CAMK2A: variants seen among roughly 807,000 people sequenced by gnomAD.
The protein encoded by CAMK2A is calcium/calmodulin dependent protein kinase II alpha, also known as calcium/calmodulin-dependent protein kinase type II subunit alpha.
Under a neutral mutation model 79.2 loss-of-function variants are expected in CAMK2A, and 7 were observed. That is an observed-to-expected ratio of 0.09 (90% CI 0.05 to 0.17). The LOEUF (loss-of-function observed/expected upper bound fraction) is 0.17. CAMK2A is among the 10% of genes least tolerant of loss of function. The pLI is 1.00. For missense variants in CAMK2A, 214 were observed against 646.4 expected (o/e 0.33, Z 7.25); for synonymous variants, 242 against 251.7 (o/e 0.96, Z 0.36).
intron 3 of CAMK2A, among the ~76,000 whole-genome samples, chr5:150,263,166 C>G (rs1274500710): frequency 6.6e-6 from 1 of 152,096 alleles, no homozygotes; most frequent in East Asian, 1.9e-4. Context: ...GCTACATGTC[C>G]AGGGTCACAC....
chr5:150,258,067 A>G (rs543301781), intron 3 of CAMK2A, among the ~76,000 whole-genome samples: 1 of 152,252 alleles, frequency 6.6e-6, no homozygotes, highest in Non-Finnish European at 1.5e-5. Context: ...TCCAGGAGGC[A>G]TGCAGTTGGT....
intron 9 of CAMK2A, among the ~76,000 whole-genome samples, chr5:150,251,287 G>T (rs1755821981): frequency 6.6e-6 from 1 of 152,214 alleles, no homozygotes; most frequent in South Asian, 2.1e-4. Context: ...GAGCCAGACT[G>T]CCTGGTTCAA....
intron 3 of CAMK2A, among the ~76,000 whole-genome samples, chr5:150,260,179 G>A (rs889040817): frequency 2.0e-5 from 3 of 151,940 alleles, no homozygotes; most frequent in Non-Finnish European, 4.4e-5. Flanking sequence ...TGTATTGGCC[G>A]GGCACAGTGG....
intron 1 of CAMK2A, among the ~76,000 whole-genome samples, chr5:150,289,231 T>G (rs938430795): frequency 7.2e-5 from 11 of 152,212 alleles, no homozygotes; most frequent in Non-Finnish European, 1.5e-4. Context: ...GAAAATCCCT[T>G]TTTAACCCTA....
chr5:150,225,468 G>A (rs769943534), intron 17 of CAMK2A, among the ~76,000 whole-genome samples: 6 of 152,196 alleles, frequency 3.9e-5, no homozygotes, highest in Non-Finnish European at 7.3e-5. Context: ...GAGTCTGGGG[G>A]CCAGCACTAA....
intron 1 of CAMK2A, among the ~76,000 whole-genome samples, chr5:150,278,517 G>A (rs981190132): frequency 5.3e-5 from 8 of 152,294 alleles, no homozygotes; most frequent in African/African-American, 1.9e-4. Flanking sequence ...CAGATGGGTG[G>A]GTGGGCCAGA....
chr5:150,250,710 G>A lies in CAMK2A; in HGVS notation c.794C>T (p.Ala265Val). The A allele has an allele frequency of 1.2e-6, 2 of 1,614,134 alleles. No homozygotes were observed. Among genetic ancestry groups the A allele is most frequent in the Non-Finnish European group, 1.7e-6 (2 of 1,180,000 alleles). ...CACCGAGATCCAGGGGTGCTTAAGGGCTTCGGCAGCTGTGATGCGTTTGGA... is the reference window on the plus strand; with the variant it reads ...CACCGAGATCCAGGGGTGCTTAAGGACTTCGGCAGCTGTGATGCGTTTGGA... ...NPSKRITAAE[A>V]LKHPWISHRS... The change falls in exon 10 of 19, where the codon GCC (alanine) becomes GTC (valine). Residue 265 changes from alanine to valine, a missense_variant. Around this residue, in one of 4 missense-constraint regions of CAMK2A, gnomAD observed 18 missense variants for 34.9 expected, o/e 0.52. Coordinates refer to ENST00000671881, the MANE Select transcript of CAMK2A (RefSeq NM_015981.4).
At chr5:150,265,315 T>C in intron 2 of CAMK2A, 1 of 340,640 alleles carries the variant, frequency 2.9e-6, no homozygotes, top group Non-Finnish European at 5.6e-6. Flanking sequence ...TCAGGCCCTA[T>C]ACTCTAGCCA....
chr5:150,271,521 G>A (rs142516456), intron 2 of CAMK2A, among the ~76,000 whole-genome samples: 1 of 152,260 alleles, frequency 6.6e-6, no homozygotes, highest in East Asian at 1.9e-4. Context: ...TGCACCTGCT[G>A]GGCCCTGGCC....
intron 11 of CAMK2A, among the ~76,000 whole-genome samples, chr5:150,249,914 C>G (rs1755754583): frequency 6.6e-6 from 1 of 152,160 alleles, no homozygotes; most frequent in Admixed American, 6.5e-5. Context: ...AGCTTAAACG[C>G]CCCTGGCTCC....
intron 1 of CAMK2A, among the ~76,000 whole-genome samples, chr5:150,277,763 A>G (rs1580952809): frequency 6.6e-6 from 1 of 152,332 alleles, no homozygotes; most frequent in Non-Finnish European, 1.5e-5. Flanking sequence ...TCCAGAGGGT[A>G]CCAGCCCCTC....
intron 2 of CAMK2A, chr5:150,265,310 C>T (rs1756467270): frequency 2.6e-6 from 1 of 387,914 alleles, no homozygotes; most frequent in Non-Finnish European, 4.9e-6. Context: ...GTTCCTCAGG[C>T]CCTATACTCT....
chr5:150,254,572 A>G (rs897268857), intron 6 of CAMK2A, among the ~76,000 whole-genome samples: 2 of 152,152 alleles, frequency 1.3e-5, no homozygotes, highest in Non-Finnish European at 1.5e-5. Flanking sequence ...GCCTCTGGGC[A>G]TCGAGGCTGC....
intron 15 of CAMK2A, among the ~76,000 whole-genome samples, chr5:150,233,564 A>C (rs1005730678): frequency 1.3e-5 from 2 of 152,112 alleles, no homozygotes; most frequent in African/African-American, 4.8e-5. Context: ...CAGAGGCAGC[A>C]CTCAATACAT....
rs34649296 is a variant in CAMK2A, at chr5:150,245,338, GCCTCCT to G, written c.944-143_944-138del. 4,332 of 657,526 alleles carry G rather than the reference GCCTCCT, an allele frequency of 6.6e-3. 39 individuals carry two copies. The highest frequency in any genetic ancestry group is 0.033 in the African/African-American group (1,683 of 51,444). The allele number at this position is 657,526 out of a possible 1,614,324, so 40.7% of individuals were successfully genotyped here. Reference sequence around the variant, plus strand: ...AGCTGGCCCAGCGATCCTGGGGGAGGCCTCCTCCTCCTCCTCCTCCTCCTCCTCCTC... The same window carrying G: ...AGCTGGCCCAGCGATCCTGGGGGAGGCCTCCTCCTCCTCCTCCTCCTCCTC... On this transcript the variant is annotated intron_variant, in intron 12 of 18. Coordinates refer to ENST00000671881, the MANE Select transcript of CAMK2A (RefSeq NM_015981.4).
At chr5:150,271,437 TGAGGCCTGCCGG>T (rs891771711) in intron 2 of CAMK2A, among the ~76,000 whole-genome samples, 4 of 152,166 alleles carry the variant, frequency 2.6e-5, no homozygotes, top group Admixed American at 6.5e-5. Context: ...CAGTCCAACA[TGAGGCCTGCCGG>T]GAGGCCTGCG....
intron 1 of CAMK2A, among the ~76,000 whole-genome samples, chr5:150,280,686 C>G (rs1449331626): frequency 6.6e-6 from 1 of 152,162 alleles, no homozygotes; most frequent in Non-Finnish European, 1.5e-5. Flanking sequence ...CCTAATGCAC[C>G]TTGCCTGCCC....
chr5:150,234,370 G>T (rs1754976273), intron 15 of CAMK2A, among the ~76,000 whole-genome samples: 1 of 152,152 alleles, frequency 6.6e-6, no homozygotes, highest in African/African-American at 2.4e-5. Context: ...TTGGATTCTG[G>T]CTATGCCACT....
At chr5:150,235,287 C>A (rs946446827) in intron 15 of CAMK2A, among the ~76,000 whole-genome samples, 1 of 152,220 alleles carries the variant, frequency 6.6e-6, no homozygotes, top group Admixed American at 6.5e-5. Flanking sequence ...CCTGGTGCTT[C>A]TTACATCTGG....
Sources: gnomAD v4.1 joint callset for allele counts (sites outside exome capture counted in the v4.1 genomes callset) on GRCh38, gnomAD v4.1.1 for gene constraint, gnomAD v4.1.1 regional missense constraint, MANE v1.5 for transcripts, NCBI Gene and HGNC (gene_info 2026-07-23, HGNC 2026-07-21) for gene names.